Variants in MAML1 observed in about 807,000 individuals in gnomAD.
The protein encoded by MAML1 is mastermind like transcriptional coactivator 1.
Under a neutral mutation model 77.1 loss-of-function variants are expected in MAML1, and 14 were observed. The ratio of observed to expected loss-of-function variants is 0.18; its 90% confidence interval spans 0.12 to 0.28. The LOEUF (loss-of-function observed/expected upper bound fraction) is 0.28. Among genes scored for constraint, MAML1 ranks in the 10% least tolerant of loss-of-function variants. The pLI is 1.00. For synonymous variants in MAML1, 516 were observed against 551.9 expected (o/e 0.93, Z 0.91); for missense variants, 1,217 against 1,327.8 (o/e 0.92, Z 1.30).
chr5:179,763,221 G>A (rs1779753964), intron 1 of MAML1, among the ~76,000 whole-genome samples: 1 of 152,198 alleles, frequency 6.6e-6, no homozygotes, highest in African/African-American at 2.4e-5. Context: ...TATTTCCTCT[G>A]ACCATTTAAA....
At chr5:179,767,924 G>A (rs899699747) in intron 2 of MAML1, among the ~76,000 whole-genome samples, 1 of 152,220 alleles carries the variant, frequency 6.6e-6, no homozygotes, top group Admixed American at 6.5e-5. Flanking sequence ...GGATAATATT[G>A]TGGTGGCCTT....
chr5:179,775,038 C>T lies in MAML1; in HGVS notation c.*161C>T. 2 of 1,432,890 alleles carry T rather than the reference C, an allele frequency of 1.4e-6. No homozygotes were observed. The highest frequency in any genetic ancestry group is 1.8e-6 in the Non-Finnish European group (2 of 1,099,222). 88.8% of individuals were successfully genotyped at this position (1,432,890 alleles called of 1,614,324 possible). ...GCCTGGCCCTGGGCAGGGTCTGTGG[C>T]TGCGCCCCTCAGGCCAGCAGTTGAG... On this transcript the variant is annotated 3_prime_UTR_variant, in exon 5 of 5. Transcript: ENST00000292599.
At chr5:179,756,587 G>C (rs573833573) in intron 1 of MAML1, among the ~76,000 whole-genome samples, 1 of 152,272 alleles carries the variant, frequency 6.6e-6, no homozygotes, top group South Asian at 2.1e-4. Context: ...TTATGTGCCA[G>C]GTTAAGGAGT....
intron 1 of MAML1, 28 bp downstream of exon 1, chr5:179,733,455 C>T (rs1374517081): frequency 2.6e-5 from 28 of 1,088,856 alleles, no homozygotes; most frequent in Non-Finnish European, 3.1e-5. Context: ...AGGCGCTTGT[C>T]GTGGCGGCAG....
chr5:179,773,552 CCT>C (rs1395425754), intron 4 of MAML1, among the ~76,000 whole-genome samples: 1 of 152,252 alleles, frequency 6.6e-6, no homozygotes, highest in Non-Finnish European at 1.5e-5. Flanking sequence ...GCTAACTTTG[CCT>C]CCCAGAGGCG....
chr5:179,756,177 G>A (rs1358303536), intron 1 of MAML1, among the ~76,000 whole-genome samples: 2 of 151,018 alleles, frequency 1.3e-5, no homozygotes, highest in East Asian at 2.0e-4. Context: ...TGTAATCCCA[G>A]CACTTTTGGA....
At position 179,766,411 on chromosome 5, in the gene MAML1, G is replaced by A; in HGVS notation, c.1401G>A (p.Met467Ile). The A allele has an allele frequency of 6.2e-7, 1 of 1,612,782 alleles. No homozygotes were observed. The highest frequency in any genetic ancestry group is 8.5e-7 in the Non-Finnish European group (1 of 1,179,322). ...QDFTNSKLLMMPSVNKSSPRP... is the reference protein window; with the variant it reads ...QDFTNSKLLMIPSVNKSSPRP... ...TCACTAACTCCAAACTGCTCATGAT[G>A]CCTAGTGTGAATAAGAGTTCCCCTC... The change falls in exon 2 of 5, where the codon ATG (methionine) becomes ATA (isoleucine). Residue 467 changes from methionine (M) to isoleucine (I), a missense_variant. Physicochemically the swap from Met to Ile is conservative, Grantham distance 10 (BLOSUM62 1). Coordinates refer to ENST00000292599, the MANE Select transcript of MAML1 (RefSeq NM_014757.5). This position sits in a 1 kb window ranked among gnomAD's most constrained non-coding sequence, Gnocchi z 4.0.
At chr5:179,742,746 G>A (rs1407775005) in intron 1 of MAML1, among the ~76,000 whole-genome samples, 2 of 152,030 alleles carry the variant, frequency 1.3e-5, no homozygotes, top group African/African-American at 4.8e-5. Context: ...CCCAGAAGGC[G>A]GAGGTTGCAG....
At chr5:179,739,618 A>C (rs1276468948) in intron 1 of MAML1, among the ~76,000 whole-genome samples, 1 of 152,202 alleles carries the variant, frequency 6.6e-6, no homozygotes, top group Non-Finnish European at 1.5e-5. Flanking sequence ...CGGGAGGTAA[A>C]GGCTGCAGCG....
chr5:179,753,210 TGTGTGTGTGTGTGC>T (rs745505033), intron 1 of MAML1, among the ~76,000 whole-genome samples: 1,735 of 118,170 alleles, frequency 0.015, 16 homozygotes, highest in South Asian at 0.025. Context: ...TGTGTGTGTG[TGTGTGTGTGTGTGC>T]GCGCGCGCGC....
Position 179,774,716 on chromosome 5 carries a change from C to T in MAML1, c.2890C>T (p.Arg964Trp), listed in dbSNP as rs746302193. Residue 964 changes from arginine (R) to tryptophan (W), a missense_variant, in exon 5 of 5, where the codon CGG becomes TGG. This residue lies in a region of MAML1 where 884 missense variants were observed against 949.3 expected (regional missense o/e 0.93). Transcript: ENST00000292599. The stretch of plus-strand genomic sequence containing the variant: ...GCACTGCACCCAGGCCTACCCTGTG[C>T]GGACCGCGGGCCAGGAGCTGCCTTT... ...GLHCTQAYPV[R>W]TAGQELPFAY... The T allele has an allele frequency of 1.8e-5, 29 of 1,610,660 alleles. No individual in the cohort carries two copies. Among genetic ancestry groups the T allele is most frequent in the Non-Finnish European group, 2.2e-5 (26 of 1,179,998 alleles).
In MAML1 at chr5:179,768,985, C is replaced by A. The variant is rs1391199934; in HGVS notation, c.1867C>A (p.Gln623Lys). 6.2e-7 allele frequency: 1 copy of A among 1,614,234 alleles called. No individual in the cohort carries two copies. Among genetic ancestry groups the A allele is most frequent in the Non-Finnish European group, 8.5e-7 (1 of 1,180,054 alleles). ...SSQQQAAVMK[Q>K]HQLLLDQQKQ... is the part of the protein sequence containing the mutation. Reference sequence around the variant, plus strand: ...CCAGCAACAGGCCGCTGTAATGAAGCAGCATCAGTTGCTTTTGGACCAACA... The same window carrying A: ...CCAGCAACAGGCCGCTGTAATGAAGAAGCATCAGTTGCTTTTGGACCAACA... Residue 623 changes from glutamine to lysine, a missense_variant, in exon 3 of 5, where the codon CAG becomes AAG. Physicochemically the swap from Gln to Lys is moderately conservative, Grantham distance 53 (BLOSUM62 1). This residue lies in a region of MAML1 where 884 missense variants were observed against 949.3 expected (regional missense o/e 0.93). Transcript: ENST00000292599.
intron 1 of MAML1, among the ~76,000 whole-genome samples, chr5:179,761,406 T>A (rs907247412): frequency 6.7e-6 from 1 of 150,006 alleles, no homozygotes; most frequent in Admixed American, 6.6e-5. Context: ...TTAAAAAAAA[T>A]TAATAAAGGG....
chr5:179,765,716 T>C lies in MAML1; in HGVS notation c.706T>C (p.Ser236Pro), dbSNP rs1169110301. Reference sequence around the variant, plus strand: ...GATCACTGGGACTGTCGGCTCCATATCGCAAAGCAACCTCATGCCAGACCT... The same window carrying C: ...GATCACTGGGACTGTCGGCTCCATACCGCAAAGCAACCTCATGCCAGACCT... ...CMITGTVGSI[S>P]QSNLMPDLNL... The change falls in exon 2 of 5, where the codon TCG (serine) becomes CCG (proline). Residue 236 changes from serine (S) to proline (P), a missense_variant. Around this residue, in one of 3 missense-constraint regions of MAML1, gnomAD observed 21 missense variants for 47.1 expected, o/e 0.45. Coordinates refer to ENST00000292599, the MANE Select transcript of MAML1 (RefSeq NM_014757.5). 6.2e-7 allele frequency: 1 copy of C among 1,613,820 alleles called. No individual in the cohort carries two copies. Among genetic ancestry groups the C allele is most frequent in the Non-Finnish European group, 8.5e-7 (1 of 1,179,886 alleles).
chr5:179,739,132 G>T (rs916392107), intron 1 of MAML1, among the ~76,000 whole-genome samples: 7 of 152,004 alleles, frequency 4.6e-5, no homozygotes, highest in Admixed American at 6.6e-5. Context: ...CCGTATCTGC[G>T]CATTCTGCAT....
In MAML1 at chr5:179,769,113, C is replaced by T. The variant is rs1430084744; in HGVS notation, c.1971+24C>T. The stretch of plus-strand genomic sequence containing the variant: ...AGGTAAAAAGAAAAGTGGAAGGAAA[C>T]CACCGCTTCCCACCTTTGCCTGCAC... On this transcript the variant is annotated intron_variant, in intron 3 of 4. Transcript: ENST00000292599. The surrounding 1 kb of genome is among the most constrained non-coding windows in gnomAD (Gnocchi z 4.2). 6.2e-7 allele frequency: 1 copy of T among 1,611,734 alleles called. No homozygotes were observed. The highest frequency in any genetic ancestry group is 2.2e-5 in the East Asian group (1 of 44,860).
chr5:179,770,326 T>C (rs1241127923), intron 3 of MAML1, among the ~76,000 whole-genome samples: 1 of 152,136 alleles, frequency 6.6e-6, no homozygotes, highest in Non-Finnish European at 1.5e-5. Context: ...CGGGCGCCTG[T>C]AGTCCCAGCT....
Position 179,733,341 on chromosome 5 carries a change from C to G in MAML1, c.229C>G (p.Pro77Ala). ...CAAGCGCGCCGGGAAGCACAGGCAG[C>G]CGCCCGCCGCCACGGCCCCGGCGCC... ...KAKRAGKHRQ[P>A]PAATAPAPAA... The change falls in exon 1 of 5, where the codon CCG (proline) becomes GCG (alanine). Residue 77 changes from proline to alanine, a missense_variant. Coordinates refer to ENST00000292599, the MANE Select transcript of MAML1 (RefSeq NM_014757.5). The G allele has an allele frequency of 7.6e-7, 1 of 1,314,346 alleles. No individual in the cohort carries two copies. Among genetic ancestry groups the G allele is most frequent in the Non-Finnish European group, 9.7e-7 (1 of 1,026,252 alleles). The allele number at this position is 1,314,346 out of a possible 1,614,324, so 81.4% of individuals were successfully genotyped here.
intron 1 of MAML1, among the ~76,000 whole-genome samples, chr5:179,750,917 A>G (rs1052801343): frequency 3.9e-5 from 6 of 152,230 alleles, no homozygotes; most frequent in African/African-American, 1.4e-4. Context: ...TGCTGGGCCC[A>G]GGCGGCAGGT....
Sources: gnomAD v4.1 joint callset for allele counts (sites outside exome capture counted in the v4.1 genomes callset) on GRCh38, gnomAD v4.1.1 for gene constraint, gnomAD v4.1.1 regional missense constraint, Gnocchi (gnomAD v3.1) non-coding constraint, MANE v1.5 for transcripts, NCBI Gene and HGNC (gene_info 2026-07-23, HGNC 2026-07-21) for gene names.